The following RYR3 variants were observed in gnomAD, a reference collection of about 807,000 sequenced individuals.
RYR3 encodes brain ryanodine receptor-calcium release channel.
RYR3 carries 207 observed loss-of-function variants against 584.3 expected under a neutral mutation model. The ratio of observed to expected loss-of-function variants is 0.35; its 90% CI spans 0.32 to 0.40. The LOEUF is 0.40. Ranked by LOEUF, RYR3 falls within the 10% of genes least tolerant of loss-of-function variation. The pLI is 1.00. For synonymous variants in RYR3, 2,416 were observed against 2,248.5 expected (o/e 1.07, Z -2.11); for missense variants, 5,616 against 6,089.2 (o/e 0.92, Z 2.59).
intron 1 of RYR3, among the ~76,000 whole-genome samples, chr15:33,379,687 C>CTCTCTCTCTCTCTCTCTATATATATA: frequency 7.2e-5 from 9 of 125,514 alleles, no homozygotes; most frequent in African/African-American, 2.8e-4. Flanking sequence ...CTCTCTCTCT[C>CTCTCTCTCTCTCTCTCTATATATATA]TATATATATA....
intron 60 of RYR3, among the ~76,000 whole-genome samples, chr15:33,761,920 C>T (rs142671765): frequency 1.9e-3 from 283 of 152,178 alleles, no homozygotes; most frequent in African/African-American, 6.4e-3. Flanking sequence ...ACAATCAAGT[C>T]GACTTTATCC....
At chr15:33,546,901 A>C (rs577170614) in intron 8 of RYR3, among the ~76,000 whole-genome samples, 1 of 152,188 alleles carries the variant, frequency 6.6e-6, no homozygotes, top group Non-Finnish European at 1.5e-5. Context: ...TGACCACTTC[A>C]ATTGTGATCC....
chr15:33,820,397 T>C (rs1049024263), intron 77 of RYR3, among the ~76,000 whole-genome samples: 6 of 152,216 alleles, frequency 3.9e-5, no homozygotes, highest in Non-Finnish European at 7.3e-5. Flanking sequence ...CTTAATGCCA[T>C]GCCCTTGGGG....
chr15:33,362,342 G>A (rs1383830302), intron 1 of RYR3, among the ~76,000 whole-genome samples: 1 of 152,110 alleles, frequency 6.6e-6, no homozygotes, highest in African/African-American at 2.4e-5. Context: ...ACTAATGTGT[G>A]TAAAGCGTGT....
intron 2 of RYR3, among the ~76,000 whole-genome samples, chr15:33,494,323 A>G (rs2572165): frequency 0.59 from 89,274 of 152,064 alleles, 26,336 homozygotes; most frequent in Middle Eastern, 0.67. Context: ...ACCTTCTCCA[A>G]TTTCCTTGCA....
intron 86 of RYR3, 30 bp from the exon 87 acceptor site, chr15:33,834,938 A>C (rs2077941771): frequency 6.3e-7 from 1 of 1,582,176 alleles, no homozygotes; most frequent in Non-Finnish European, 8.7e-7. Flanking sequence ...GTGATGTTTA[A>C]GTGACATAAG....
At chr15:33,834,071 C>A (rs1160956962) in intron 86 of RYR3, among the ~76,000 whole-genome samples, 1 of 151,982 alleles carries the variant, frequency 6.6e-6, no homozygotes, top group Non-Finnish European at 1.5e-5. Flanking sequence ...CACTTGAGGC[C>A]AGGAGTTTGA....
chr15:33,694,632 C>T (rs1464051121), intron 38 of RYR3, among the ~76,000 whole-genome samples: 1 of 152,120 alleles, frequency 6.6e-6, no homozygotes, highest in East Asian at 1.9e-4. Context: ...GATGCAGGAA[C>T]TTTTATATTT....
At chr15:33,682,828 G>A (rs1596134819) in intron 38 of RYR3, among the ~76,000 whole-genome samples, 1 of 152,134 alleles carries the variant, frequency 6.6e-6, no homozygotes, top group African/African-American at 2.4e-5. Context: ...GTCTGCTGAG[G>A]CGTCCTTACT....
intron 85 of RYR3, among the ~76,000 whole-genome samples, chr15:33,829,019 C>T (rs2077521949): frequency 1.3e-5 from 2 of 152,130 alleles, no homozygotes; most frequent in Admixed American, 6.5e-5. Context: ...AGCCACTGCT[C>T]GTTTACCATT....
At chr15:33,628,287 C>A (rs1254889804) in intron 20 of RYR3, among the ~76,000 whole-genome samples, 184 bp from the exon 21 acceptor site, 2 of 151,976 alleles carry the variant, frequency 1.3e-5, no homozygotes. Flanking sequence ...CAACAAGGAG[C>A]AGAGAGGAAG....
chr15:33,404,200 C>G (rs985759531), intron 1 of RYR3, among the ~76,000 whole-genome samples: 5 of 152,144 alleles, frequency 3.3e-5, no homozygotes, highest in African/African-American at 1.2e-4. Context: ...TGCTTTTTAG[C>G]TTACCTTGAT....
intron 18 of RYR3, among the ~76,000 whole-genome samples, chr15:33,612,683 G>A (rs1377279172): frequency 6.6e-6 from 1 of 152,204 alleles, no homozygotes; most frequent in Non-Finnish European, 1.5e-5. Context: ...TTAATGGCTA[G>A]ATGGCCTTGC....
chr15:33,401,223 C>A (rs61304639), intron 1 of RYR3, among the ~76,000 whole-genome samples: 10,258 of 152,230 alleles, frequency 0.067, 542 homozygotes, highest in African/African-American at 0.15. Flanking sequence ...TGAGCTAAGA[C>A]ATCCTTGAAT....
rs2078134953 is a variant in RYR3, at chr15:33,837,812, C to A, written c.11832C>A (p.Phe3944Leu). ...AAGGAATTATCTCCAAAAAAGAATT[C>A]CAGAAGGCCATGGAAGGGCAAAAAC... The part of the protein sequence containing the change: ...DGKGIISKKE[F>L]QKAMEGQKQY... Residue 3944 changes from phenylalanine (F) to leucine (L), a missense_variant, in exon 89 of 104, where the codon TTC becomes TTA. Phe to Leu is a conservative substitution (Grantham distance 22). Around this residue, in one of 9 missense-constraint regions of RYR3, gnomAD observed 258 missense variants for 297.3 expected, o/e 0.87. Transcript: ENST00000634891. 1 of 1,613,816 alleles carries A rather than the reference C, an allele frequency of 6.2e-7. No homozygotes were observed. The highest frequency in any genetic ancestry group is 1.7e-5 in the Admixed American group (1 of 59,990).
intron 98 of RYR3, among the ~76,000 whole-genome samples, chr15:33,857,374 CCTTTTCTT>C: frequency 1.3e-5 from 2 of 151,826 alleles, no homozygotes; most frequent in East Asian, 3.9e-4. Context: ...GTCTCCAACT[CCTTTTCTT>C]CTAAGGATGC....
At chr15:33,860,943 C>G in intron 101 of RYR3, 135 bp from the exon 102 acceptor site, 1 of 639,644 alleles carries the variant, frequency 1.6e-6, no homozygotes, top group Non-Finnish European at 2.6e-6. Context: ...TATGGCACTA[C>G]TGAGTGAATG....
At chr15:33,674,892 G>T (rs1199613500) in intron 38 of RYR3, among the ~76,000 whole-genome samples, 1 of 140,162 alleles carries the variant, frequency 7.1e-6, no homozygotes, top group Non-Finnish European at 1.5e-5. Flanking sequence ...ATTATAAAAA[G>T]AATAGAATGG....
chr15:33,835,071 A>G lies in RYR3; in HGVS notation c.11567A>G (p.Gln3856Arg), dbSNP rs780202585. 6.2e-7 allele frequency: 1 copy of G among 1,609,578 alleles called. No individual in the cohort carries two copies. Among genetic ancestry groups the G allele is most frequent in the Non-Finnish European group, 8.5e-7 (1 of 1,176,374 alleles). Residue 3856 changes from glutamine to arginine, a missense_variant and splice_region_variant, in exon 87 of 104, where the codon CAG becomes CGG. By Grantham distance (43) the Gln-to-Arg change is conservative (BLOSUM62 1). This residue lies in a region of RYR3 where 954 missense variants were observed against 1,132.2 expected (regional missense o/e 0.84). Transcript: ENST00000634891. ...GCTAATATGCAGATGAAACTCTCTCAGGTACTGTGGCCCATTCCCTGCACG... is the reference window on the plus strand; with the variant it reads ...GCTAATATGCAGATGAAACTCTCTCGGGTACTGTGGCCCATTCCCTGCACG... ...VFANMQMKLS[Q>R]DSSQIELLKE...
Sources: gnomAD v4.1 joint callset for allele counts (sites outside exome capture counted in the v4.1 genomes callset) on GRCh38, gnomAD v4.1.1 for gene constraint, gnomAD v4.1.1 regional missense constraint, MANE v1.5 for transcripts, NCBI Gene and HGNC (gene_info 2026-07-23, HGNC 2026-07-21) for gene names.